Variants in PSG4 observed in about 807,000 individuals in gnomAD.
The protein encoded by PSG4 is pregnancy-specific beta-1-glycoprotein 4.
PSG4 carries 61 observed loss-of-function variants against 44.3 expected under a neutral mutation model. The ratio of observed to expected loss-of-function variants is 1.38; its 90% confidence interval spans 1.12 to 1.70. The LOEUF is 1.70. Ranked by LOEUF, PSG4 falls within the 40% of genes most tolerant of loss-of-function variation. PSG4 has a pLI of 0.00. For synonymous variants in PSG4, 248 were observed against 191.3 expected, an observed-to-expected ratio of 1.30 and a Z score of -2.45; for missense variants, 677 against 511.7, an observed-to-expected ratio of 1.32 and a Z score of -3.12.
At position 43,194,378 on chromosome 19, in the gene PSG4, C is replaced by G. The variant is rs747102477; in HGVS notation, c.1205G>C (p.Gly402Ala). Residue 402 changes from glycine to alanine, a missense_variant, in exon 5 of 6, where the codon GGC (glycine) becomes GCC (alanine). Gly to Ala is a moderately conservative substitution (Grantham distance 60). Transcript: ENST00000405312. ...YACSVRNSATGKESSKSITVK... is the reference protein window; with the variant it reads ...YACSVRNSATAKESSKSITVK... ...TGTGATGGATTTGGAGCTTTCCTTG[C>G]CAGTGGCTGAGTTACGAACAGAGCA... is the stretch of plus-strand genomic sequence containing the variant. 2.5e-6 allele frequency: 4 copies of G among 1,612,396 alleles called. No individual in the cohort carries two copies. The Admixed American group carries it at 6.7e-5, about 27-fold the overall frequency.
In PSG4 at chr19:43,192,974, T is replaced by G. The variant is rs1332550826; in HGVS notation, c.*398A>C. On this transcript the variant is annotated 3_prime_UTR_variant, in exon 6 of 6. Transcript: ENST00000405312. ...GTTACGTAAAAGTTTGAGGTTGAGA[T>G]GACATATCTGACACTCTGTTGTTAC... is the stretch of plus-strand genomic sequence containing the variant. 8.3e-6 allele frequency: 4 copies of G among 483,974 alleles called. No homozygotes were observed. Among genetic ancestry groups the G allele is most frequent in the African/African-American group, 1.9e-5 (1 of 51,570 alleles). The allele number at this position is 483,974 out of a possible 1,614,324, so 30.0% of individuals were successfully genotyped here.
intron 2 of PSG4, among the ~76,000 whole-genome samples, chr19:43,200,267 A>G (rs1307934644): frequency 1.4e-5 from 2 of 145,066 alleles, no homozygotes; most frequent in Non-Finnish European, 3.0e-5. Context: ...TATGTGGCAC[A>G]GGCAGTAAAA....
intron 1 of PSG4, 128 bp downstream of exon 1, chr19:43,205,345 G>A (rs1967735302): frequency 2.6e-6 from 3 of 1,170,162 alleles, no homozygotes; most frequent in Non-Finnish European, 3.5e-6. Flanking sequence ...CTGATCTCCT[G>A]ATCCACCCAA....
rs967817114 is a variant in PSG4 at position 43,193,949 on chromosome 19, G to A, written c.1243+391C>T. On this transcript the variant is annotated intron_variant, in intron 5 of 5. Transcript: ENST00000405312. ...GAGCAAAAGTAAATGTTTCAATTAC[G>A]GTTCCCAGAAGTATAGTTTATTGAA... The A allele has an allele frequency of 2.4e-4, 185 of 770,806 alleles. 1 individual carries two copies. Among genetic ancestry groups the A allele is most frequent in the African/African-American group, 5.6e-4 (32 of 56,732 alleles). The allele number at this position is 770,806 out of a possible 1,614,324, so 47.7% of individuals were successfully genotyped here. A position where few individuals can be genotyped will look rare whatever the true frequency, so the allele number is the denominator to read the frequency against.
At chr19:43,201,049 T>G (rs1293073599) in intron 2 of PSG4, among the ~76,000 whole-genome samples, 1 of 145,508 alleles carries the variant, frequency 6.9e-6, no homozygotes, top group Non-Finnish European at 1.5e-5. Flanking sequence ...AATGAGTCCA[T>G]GTGCTTTGGG....
Position 43,202,482 on chromosome 19 carries a change from A to G in PSG4, c.430+1404T>C, listed in dbSNP as rs1038042528. On this transcript the variant is annotated intron_variant, in intron 2 of 5. Transcript: ENST00000405312. ...TCCTATGATTCTGCATCCAACATCC[A>G]GTCTCTAAAGAGGTTTTGGATCATT... Among the ~76,000 whole-genome samples the G allele has an allele frequency of 6.9e-5, 10 of 144,826 alleles. 1 individual carries two copies. Among genetic ancestry groups the G allele is most frequent in the Middle Eastern group, 3.2e-3 (1 of 312 alleles).
intron 2 of PSG4, chr19:43,199,071 T>C (rs983666132): frequency 6.8e-6 from 1 of 146,196 alleles, no homozygotes; most frequent in Non-Finnish European, 1.5e-5. Context: ...TAGAAATACA[T>C]GTGGATGTTT....
intron 3 of PSG4, among the ~76,000 whole-genome samples, chr19:43,197,387 C>A (rs572712888): frequency 2.1e-5 from 3 of 145,724 alleles, no homozygotes; most frequent in African/African-American, 7.9e-5. Flanking sequence ...CCATCAGTGG[C>A]TGAGTTATGG....
chr19:43,203,368 C>T (rs1157859263), intron 2 of PSG4: 4 of 153,660 alleles, frequency 2.6e-5, no homozygotes, highest in Admixed American at 2.4e-4. Context: ...GTGAACAGCT[C>T]CAGGAGACAC....
rs1022767656 is a variant in PSG4, at chr19:43,192,982, C to G, written c.*390G>C. The G allele has an allele frequency of 4.0e-6, 2 of 505,762 alleles. No homozygotes were observed. Among genetic ancestry groups the G allele is most frequent in the African/African-American group, 1.9e-5 (1 of 51,944 alleles). The allele number at this position is 505,762 out of a possible 1,614,324, so 31.3% of individuals were successfully genotyped here. ...AAAGTTTGAGGTTGAGATGACATAT[C>G]TGACACTCTGTTGTTACCCTCAGAA... On this transcript the variant is annotated 3_prime_UTR_variant, in exon 6 of 6. Transcript: ENST00000405312.
chr19:43,194,361 A>T lies in PSG4; in HGVS notation c.1222T>A (p.Ser408Thr). The T allele has an allele frequency of 6.2e-7, 1 of 1,612,294 alleles. No homozygotes were observed. Among genetic ancestry groups the T allele is most frequent in the East Asian group, 2.2e-5 (1 of 44,862 alleles). ...NSATGKESSKSITVKVSDWIL... is the reference protein window; with the variant it reads ...NSATGKESSKTITVKVSDWIL... ...TTACCAGAGACTTTGACTGTGATGG[A>T]TTTGGAGCTTTCCTTGCCAGTGGCT... Residue 408 changes from serine to threonine, a missense_variant, in exon 5 of 6, where the codon TCC (serine) becomes ACC (threonine). By Grantham distance (58) the Ser-to-Thr change is moderately conservative. Coordinates refer to ENST00000405312, the MANE Select transcript of PSG4 (RefSeq NM_002780.5).
chr19:43,205,549 T>A lies in PSG4; in HGVS notation c.-13A>T. The A allele has an allele frequency of 3.3e-6, 5 of 1,521,934 alleles. No individual in the cohort carries two copies. Among genetic ancestry groups the A allele is most frequent in the Non-Finnish European group, 4.4e-6 (5 of 1,131,758 alleles). 94.3% of individuals were successfully genotyped at this position (1,521,934 alleles called of 1,614,324 possible). The stretch of plus-strand genomic sequence containing the variant: ...AGAGGGGCCCCATGGTCTCTGCTGC[T>A]TGTGTGTTCTCCTCTGTGGAGATAA... On this transcript the variant is annotated 5_prime_UTR_variant, in exon 1 of 6. In the 5' UTR this introduces an upstream ATG that the reference lacks. Coordinates refer to ENST00000405312, the MANE Select transcript of PSG4 (RefSeq NM_002780.5).
At chr19:43,200,978 G>T (rs1461345031) in intron 2 of PSG4, among the ~76,000 whole-genome samples, 1 of 146,120 alleles carries the variant, frequency 6.8e-6, no homozygotes, top group Non-Finnish European at 1.5e-5. Context: ...TCTCTAGGAA[G>T]TGACAGGAGA....
Position 43,205,478 on chromosome 19 carries a change from A to T in PSG4, c.59T>A (p.Leu20His). The T allele has an allele frequency of 6.5e-7, 1 of 1,547,014 alleles. No individual in the cohort carries two copies. The highest frequency in any genetic ancestry group is 8.7e-7 in the Non-Finnish European group (1 of 1,143,090). Residue 20 changes from leucine to histidine, a missense_variant, in exon 1 of 6, where the codon CTC (leucine) becomes CAC (histidine). Leu to His is a moderately conservative substitution (Grantham distance 99, BLOSUM62 -3). Coordinates refer to ENST00000405312, the MANE Select transcript of PSG4 (RefSeq NM_002780.5). The stretch of plus-strand genomic sequence containing the variant: ...CCAGGAAGTTCTCTCCTCACCTGTG[A>T]GCAGGACCCCCTTCCAGGTGATGCG... ...TQRITWKGVL[L>H]TASLLNFWNP...
chr19:43,193,378 T>G lies in PSG4; in HGVS notation c.1254A>C (p.Leu418Phe), dbSNP rs764344960. The change falls in exon 6 of 6, where the codon TTA becomes TTC. Residue 418 changes from leucine (L) to phenylalanine (F), a missense_variant. Physicochemically the swap from Leu to Phe is conservative, Grantham distance 22. Coordinates refer to ENST00000405312, the MANE Select transcript of PSG4 (RefSeq NM_002780.5). ...TTGGAGGAACTAGTAGAATTCAGGG[T>G]AATATCCAGTCTACAGGTGGATAAT... ...SITVKVSDWILP is the reference protein window; with the variant it reads ...SITVKVSDWIFP 2.6e-6 allele frequency: 2 copies of G among 773,168 alleles called. No homozygotes were observed. Among genetic ancestry groups the G allele is most frequent in the African/African-American group, 3.4e-5 (2 of 58,790 alleles). The allele number at this position is 773,168 out of a possible 1,614,324, so 47.9% of individuals were successfully genotyped here.
chr19:43,205,483 G>T lies in PSG4; in HGVS notation c.54C>A (p.Val18=), dbSNP rs552308948. The T allele has an allele frequency of 1.0e-5, 16 of 1,549,388 alleles. 2 individuals carry two copies. The East Asian group carries it at 1.8e-4, about 17-fold the overall frequency. Residue 18 remains valine (V), a synonymous_variant, in exon 1 of 6, where the codon GTC becomes GTA. Transcript: ENST00000405312. ...AAGTTCTCTCCTCACCTGTGAGCAGGACCCCCTTCCAGGTGATGCGCTGTG... is the reference window on the plus strand; with the variant it reads ...AAGTTCTCTCCTCACCTGTGAGCAGTACCCCCTTCCAGGTGATGCGCTGTG... ...PCTQRITWKG[V]LLTASLLNFW... is the part of the protein sequence containing the mutation.
At chr19:43,202,070 G>A (rs145672247) in intron 2 of PSG4, among the ~76,000 whole-genome samples, 1,699 of 145,592 alleles carry the variant, frequency 0.012, 143 homozygotes, top group African/African-American at 0.042. Flanking sequence ...TGGGAGGTGG[G>A]CCAGGCCACA....
rs749008627 is a variant in PSG4, at chr19:43,194,363, T to A, written c.1220A>T (p.Lys407Ile). 10 of 1,612,354 alleles carry A rather than the reference T, an allele frequency of 6.2e-6. No homozygotes were observed. In the South Asian group the frequency reaches 1.1e-4, roughly 18 times the overall value. The change falls in exon 5 of 6, where the codon AAA becomes ATA. Residue 407 changes from lysine to isoleucine, a missense_variant. By Grantham distance (102) the Lys-to-Ile change is moderately radical (BLOSUM62 -3). Coordinates refer to ENST00000405312, the MANE Select transcript of PSG4 (RefSeq NM_002780.5). ...ACCAGAGACTTTGACTGTGATGGATTTGGAGCTTTCCTTGCCAGTGGCTGA... is the reference window on the plus strand; with the variant it reads ...ACCAGAGACTTTGACTGTGATGGATATGGAGCTTTCCTTGCCAGTGGCTGA... Reference protein sequence around the residue: ...RNSATGKESSKSITVKVSDWI... With the variant: ...RNSATGKESSISITVKVSDWI...
rs1242615824 is a variant in PSG4 at position 43,196,442 on chromosome 19, G to A, written c.710-1169C>T. ...CACACAGATTGAGTATTATGCATAA[G>A]ACTTAGAACAAAAAGTGTTTTGGAT... On this transcript the variant is annotated intron_variant, in intron 3 of 5. Coordinates refer to ENST00000405312, the MANE Select transcript of PSG4 (RefSeq NM_002780.5). 5 of 151,532 alleles carry A rather than the reference G, an allele frequency of 3.3e-5. 1 individual carries two copies. The highest frequency in any genetic ancestry group is 7.4e-5 in the Non-Finnish European group (5 of 67,902). The allele number at this position is 151,532 out of a possible 1,614,324, so 9.4% of individuals were successfully genotyped here. A position where few individuals can be genotyped will look rare whatever the true frequency, so the allele number is the denominator to read the frequency against.
Sources: allele counts gnomAD v4.1 joint callset (sites outside exome capture counted in the v4.1 genomes callset), GRCh38; gene constraint gnomAD v4.1.1; transcripts MANE v1.5; gene names NCBI Gene and HGNC (gene_info 2026-07-23, HGNC 2026-07-21).